Variants in TRAPPC9 observed in about 807,000 individuals in gnomAD.
TRAPPC9 encodes the protein IKK2 binding protein.
A neutral mutation model predicts 124.0 loss-of-function variants in TRAPPC9; 83 were observed. The ratio of observed to expected loss-of-function variants is 0.67; its 90% CI spans 0.56 to 0.80. TRAPPC9 has a LOEUF of 0.80. Ranked by LOEUF, TRAPPC9 falls within the 30% of genes least tolerant of loss-of-function variation. TRAPPC9 has a pLI of 0.00. For missense variants in TRAPPC9, 1,302 were observed against 1,508.3 expected (o/e 0.86, Z 2.27); for synonymous variants, 638 against 617.5 (o/e 1.03, Z -0.49).
chr8:140,100,724 C>T (rs1040402484), intron 17 of TRAPPC9, among the ~76,000 whole-genome samples: 1 of 152,138 alleles, frequency 6.6e-6, no homozygotes, highest in Non-Finnish European at 1.5e-5. Context: ...TGAGGGTGGC[C>T]GTGCGTCTGC....
At chr8:140,330,956 T>C (rs1013863206) in intron 9 of TRAPPC9, among the ~76,000 whole-genome samples, 2 of 151,590 alleles carry the variant, frequency 1.3e-5, no homozygotes, top group Admixed American at 6.6e-5. Context: ...TTGACAGAAA[T>C]AGAAAAACAA....
rs535734286 is a variant in TRAPPC9 at position 139,752,982 on chromosome 8, T to C, written c.3056-20780A>G. On this transcript the variant is annotated intron_variant, in intron 21 of 22. Transcript: ENST00000438773. Reference sequence around the variant, plus strand: ...CATCAATCCAAAATCTACCCATCCATCCATCCATCCAACTTCTACCCATCC... The same window carrying C: ...CATCAATCCAAAATCTACCCATCCACCCATCCATCCAACTTCTACCCATCC... Among the ~76,000 whole-genome samples the C allele has an allele frequency of 6.8e-5, 10 of 147,066 alleles. No homozygotes were observed. In the East Asian group the frequency reaches 1.9e-3, roughly 28 times the overall value.
intron 3 of TRAPPC9, among the ~76,000 whole-genome samples, chr8:140,436,239 G>A (rs928308803): frequency 2.6e-5 from 4 of 152,076 alleles, no homozygotes; most frequent in African/African-American, 7.2e-5. Flanking sequence ...CCAGCTACTC[G>A]GGAGGCTGAG....
intron 16 of TRAPPC9, among the ~76,000 whole-genome samples, chr8:140,222,418 G>A (rs537344106): frequency 1.3e-5 from 2 of 152,290 alleles, no homozygotes; most frequent in African/African-American, 4.8e-5. Flanking sequence ...TGCTAGCTCT[G>A]AGAGTATGTC....
chr8:139,926,943 T>C (rs551160643), intron 19 of TRAPPC9, among the ~76,000 whole-genome samples: 3 of 152,140 alleles, frequency 2.0e-5, no homozygotes, highest in African/African-American at 4.8e-5. Context: ...CAAGACTATA[T>C]AAAGAAATCT....
At chr8:140,360,000 T>A (rs2067894084) in intron 9 of TRAPPC9, 50 bp downstream of exon 9, 2 of 1,612,886 alleles carry the variant, frequency 1.2e-6, no homozygotes. Context: ...TCTAAAGTGC[T>A]CTCATTCACA....
At chr8:140,276,240 G>A (rs1287494145) in intron 14 of TRAPPC9, among the ~76,000 whole-genome samples, 1 of 152,228 alleles carries the variant, frequency 6.6e-6, no homozygotes, top group Non-Finnish European at 1.5e-5. Context: ...ATAGATTTAA[G>A]AGGAAAATGT....
chr8:140,381,159 T>C (rs2068595229), intron 7 of TRAPPC9, among the ~76,000 whole-genome samples: 1 of 146,470 alleles, frequency 6.8e-6, no homozygotes, highest in Admixed American at 7.0e-5. Flanking sequence ...GAGCTGAGAC[T>C]GTGCCACTGC....
rs779433639 is a variant in TRAPPC9, at chr8:139,984,966, T to A, written c.2810+3760A>T. ...TGGCTGGGTTAGACACTTGTCCCAA[T>A]GTGTTGCCAATCCCCAGCGAGGAGG... On this transcript the variant is annotated intron_variant, in intron 19 of 22. Transcript: ENST00000438773. This position sits in a 1 kb window ranked among gnomAD's most constrained non-coding sequence, Gnocchi z 4.3. Among the ~76,000 whole-genome samples, 1 of 152,196 alleles carries A rather than the reference T, an allele frequency of 6.6e-6. No homozygotes were observed. Among genetic ancestry groups the A allele is most frequent in the Admixed American group, 6.5e-5 (1 of 15,272 alleles).
At chr8:140,277,112 A>G (rs1563909457) in intron 14 of TRAPPC9, among the ~76,000 whole-genome samples, 1 of 152,176 alleles carries the variant, frequency 6.6e-6, no homozygotes, top group East Asian at 1.9e-4. Flanking sequence ...GGTGTCACAC[A>G]CTATTGGTCC....
chr8:139,757,037 TC>T (rs1819874722), intron 21 of TRAPPC9, among the ~76,000 whole-genome samples: 1 of 123,848 alleles, frequency 8.1e-6, no homozygotes. Flanking sequence ...GGACAGCAGG[TC>T]GCAGGAGGAG....
intron 7 of TRAPPC9, among the ~76,000 whole-genome samples, chr8:140,389,773 C>T (rs2068869321): frequency 6.7e-6 from 1 of 148,914 alleles, no homozygotes; most frequent in African/African-American, 2.5e-5. Flanking sequence ...CATTTATTTA[C>T]ATTCTGCCTC....
intron 21 of TRAPPC9, among the ~76,000 whole-genome samples, chr8:139,876,879 GT>G (rs1829353427): frequency 6.6e-6 from 1 of 152,208 alleles, no homozygotes; most frequent in South Asian, 2.1e-4. Context: ...GTCATGAAGA[GT>G]TTGGACCTTG....
At chr8:139,928,321 G>A (rs188204233) in intron 19 of TRAPPC9, among the ~76,000 whole-genome samples, 17 of 152,214 alleles carry the variant, frequency 1.1e-4, no homozygotes, top group South Asian at 8.3e-4. Flanking sequence ...GCAAAATGCC[G>A]TCTCTACTAA....
intron 17 of TRAPPC9, among the ~76,000 whole-genome samples, chr8:140,196,690 A>C (rs1268910935): frequency 6.6e-6 from 1 of 151,912 alleles, no homozygotes; most frequent in Non-Finnish European, 1.5e-5. Context: ...TCCACTGTAC[A>C]GATCACACGT....
chr8:140,126,116 G>A (rs192299563), intron 17 of TRAPPC9, among the ~76,000 whole-genome samples: 3 of 152,040 alleles, frequency 2.0e-5, no homozygotes, highest in African/African-American at 2.4e-5. Flanking sequence ...GGCATTTTGC[G>A]GTACGTAACT....
rs565180394 is a variant in TRAPPC9 at position 139,771,792 on chromosome 8, G to C, written c.3056-39590C>G. 2.7e-4 allele frequency among the ~76,000 whole-genome samples: 41 copies of C among 152,372 alleles called. No homozygotes were observed. In the South Asian group the frequency reaches 8.1e-3, roughly 30 times the overall value. The stretch of plus-strand genomic sequence containing the variant: ...CGCCAGGCTGGGCTGACCCAAACCT[G>C]CTCCTGCAGCTCTCCTGGCCAGGCC... On this transcript the variant is annotated intron_variant, in intron 21 of 22. Transcript: ENST00000438773.
intron 12 of TRAPPC9, among the ~76,000 whole-genome samples, chr8:140,290,669 G>A (rs2065627052): frequency 6.6e-6 from 1 of 152,114 alleles, no homozygotes; most frequent in Non-Finnish European, 1.5e-5. Context: ...TGAGTAGCAG[G>A]CAGAATGGGG....
chr8:140,288,492 G>A (rs746922485), intron 12 of TRAPPC9, among the ~76,000 whole-genome samples: 4 of 152,162 alleles, frequency 2.6e-5, no homozygotes, highest in African/African-American at 4.8e-5. Context: ...GCCTCAAGAC[G>A]GTGGCCCATG....
Sources: gnomAD v4.1 joint callset for allele counts (sites outside exome capture counted in the v4.1 genomes callset) on GRCh38, gnomAD v4.1.1 for gene constraint, Gnocchi (gnomAD v3.1) non-coding constraint, MANE v1.5 for transcripts, NCBI Gene and HGNC (gene_info 2026-07-23, HGNC 2026-07-21) for gene names.